The following FOS variants were observed in gnomAD, a reference collection of about 807,000 sequenced individuals.
FOS encodes the protein protein c-Fos.
A neutral mutation model predicts 27.2 loss-of-function variants in FOS; 9 were observed. That is an observed-to-expected ratio of 0.33 (90% CI 0.20 to 0.58). FOS has a LOEUF of 0.58. Ranked by LOEUF, FOS falls within the 20% of genes least tolerant of loss-of-function variation. FOS has a pLI of 0.87. For missense variants in FOS, 405 were observed against 483.5 expected (o/e 0.84, Z 1.52); for synonymous variants, 213 against 205.1 (o/e 1.04, Z -0.33).
Position 75,280,093 on chromosome 14 carries a change from G to A in FOS, c.358G>A (p.Ala120Thr). The change falls in exon 2 of 4, where the codon GCG becomes ACG. Residue 120 changes from alanine to threonine, a missense_variant. Coordinates refer to ENST00000303562, the MANE Select transcript of FOS (RefSeq NM_005252.4). ...GVVKTMTGGR[A>T]QSIGRRGKVE... is the part of the protein sequence containing the mutation. ...TGTGAAGACCATGACAGGAGGCCGA[G>A]CGCAGAGCATTGGCAGGAGGGGCAA... 1 of 1,614,104 alleles carries A rather than the reference G, an allele frequency of 6.2e-7. No individual in the cohort carries two copies. The highest frequency in any genetic ancestry group is 8.5e-7 in the Non-Finnish European group (1 of 1,180,040).
In FOS at chr14:75,279,322, C is replaced by G. The variant is rs1014231429; in HGVS notation, c.141+199C>G. Reference sequence around the variant, plus strand: ...GCTTGCCATAGTAAGAATTGGTTCCCCCTTCGGGAGGCAGGTTCGTTCTGA... The same window carrying G: ...GCTTGCCATAGTAAGAATTGGTTCCGCCTTCGGGAGGCAGGTTCGTTCTGA... On this transcript the variant is annotated intron_variant, in intron 1 of 3. Transcript: ENST00000303562. This position sits in a 1 kb window ranked among gnomAD's most constrained non-coding sequence, Gnocchi z 5.4. 2.9e-6 allele frequency: 2 copies of G among 696,670 alleles called. No homozygotes were observed. Among genetic ancestry groups the G allele is most frequent in the Non-Finnish European group, 4.7e-6 (2 of 422,176 alleles). 43.2% of individuals were successfully genotyped at this position (696,670 alleles called of 1,614,324 possible). A position where few individuals can be genotyped will look rare whatever the true frequency, so the allele number is the denominator to read the frequency against.
In FOS at chr14:75,279,460, C is replaced by A. The variant is rs536873001; in HGVS notation, c.141+337C>A. 4 of 440,630 alleles carry A rather than the reference C, an allele frequency of 9.1e-6. No individual in the cohort carries two copies. In the Admixed American group the frequency reaches 1.7e-4, roughly 19 times the overall value. 27.3% of individuals were successfully genotyped at this position (440,630 alleles called of 1,614,324 possible). Reference sequence around the variant, plus strand: ...GCTTCTCCGGGGAGGTGGCAGAAAGCGGCAATCCCCCCTCCCCCGGCAGCC... The same window carrying A: ...GCTTCTCCGGGGAGGTGGCAGAAAGAGGCAATCCCCCCTCCCCCGGCAGCC... On this transcript the variant is annotated intron_variant, in intron 1 of 3. Transcript: ENST00000303562. The surrounding 1 kb of genome is among the most constrained non-coding windows in gnomAD (Gnocchi z 5.4).
Position 75,279,357 on chromosome 14 carries a change from G to C in FOS, c.141+234G>C. On this transcript the variant is annotated intron_variant, in intron 1 of 3. Coordinates refer to ENST00000303562, the MANE Select transcript of FOS (RefSeq NM_005252.4). The surrounding 1 kb of genome is among the most constrained non-coding windows in gnomAD (Gnocchi z 5.4). ...GGCAGGTTCGTTCTGAGCAACCTCT[G>C]GTCTGCACTCCAGGACGGATCTCTG... 1 of 594,248 alleles carries C rather than the reference G, an allele frequency of 1.7e-6. No homozygotes were observed. The highest frequency in any genetic ancestry group is 3.0e-6 in the Non-Finnish European group (1 of 337,512). 36.8% of individuals were successfully genotyped at this position (594,248 alleles called of 1,614,324 possible).
Position 75,279,186 on chromosome 14 carries a change from G to C in FOS, c.141+63G>C, listed in dbSNP as rs1897197817. The stretch of plus-strand genomic sequence containing the variant: ...TGGGGTCGCGGAGGAGGAGACACCG[G>C]GCGGGACGCTCCAGTAGATGAGTAG... On this transcript the variant is annotated intron_variant, in intron 1 of 3. Coordinates refer to ENST00000303562, the MANE Select transcript of FOS (RefSeq NM_005252.4). This position sits in a 1 kb window ranked among gnomAD's most constrained non-coding sequence, Gnocchi z 5.4. 25 of 1,599,864 alleles carry C rather than the reference G, an allele frequency of 1.6e-5. No individual in the cohort carries two copies. In the South Asian group the frequency reaches 2.7e-4, roughly 18 times the overall value.
At chr14:75,280,521 C>T in intron 2 of FOS, 39 bp from the exon 3 acceptor site, 3 of 1,539,722 alleles carry the variant, frequency 1.9e-6, no homozygotes, top group Non-Finnish European at 1.8e-6. Context: ...ATGGCAGACA[C>T]TTTTACTGAA....
rs765039869 is a variant in FOS, at chr14:75,281,399, G to A, written c.1118G>A (p.Ser373Asn). ...AATGAGCCTTCCTCTGACTCGCTCA[G>A]CTCACCCACGCTGCTGGCCCTGTGA... ...SSNEPSSDSL[S>N]SPTLLAL The change falls in exon 4 of 4, where the codon AGC (serine) becomes AAC (asparagine). Residue 373 changes from serine (S) to asparagine (N), a missense_variant. Coordinates refer to ENST00000303562, the MANE Select transcript of FOS (RefSeq NM_005252.4). The surrounding 1 kb of genome is among the most constrained non-coding windows in gnomAD (Gnocchi z 4.7). 6.2e-7 allele frequency: 1 copy of A among 1,611,360 alleles called. No individual in the cohort carries two copies. Among genetic ancestry groups the A allele is most frequent in the African/African-American group, 1.3e-5 (1 of 75,068 alleles).
At position 75,279,876 on chromosome 14, in the gene FOS, G is replaced by A; in HGVS notation, c.142-1G>A. The A allele has an allele frequency of 1.3e-6, 2 of 1,596,450 alleles. No individual in the cohort carries two copies. The highest frequency in any genetic ancestry group is 1.7e-6 in the Non-Finnish European group (2 of 1,168,882). The stretch of plus-strand genomic sequence containing the variant: ...GGCTTTCCCCTTCTGTTTTGTTCTA[G>A]GACTTCTGCACGGACCTGGCCGTCT... On this transcript the variant is annotated splice_acceptor_variant, in intron 1 of 3. Coordinates refer to ENST00000303562, the MANE Select transcript of FOS (RefSeq NM_005252.4). LOFTEE classifies it high-confidence loss of function. This position sits in a 1 kb window ranked among gnomAD's most constrained non-coding sequence, Gnocchi z 5.4.
At chr14:75,280,749 T>C in intron 3 of FOS, 34 bp from the exon 4 acceptor site, 1 of 1,608,392 alleles carries the variant, frequency 6.2e-7, no homozygotes, top group East Asian at 2.2e-5. Flanking sequence ...AGTAAGACTG[T>C]GTCTTATGCT....
chr14:75,279,466 TC>T lies in FOS; in HGVS notation c.141+349del. 4 of 423,448 alleles carry T rather than the reference TC, an allele frequency of 9.4e-6. No homozygotes were observed. Among genetic ancestry groups the T allele is most frequent in the East Asian group, 5.0e-5 (1 of 20,086 alleles). The allele number at this position is 423,448 out of a possible 1,614,324, so 26.2% of individuals were successfully genotyped here. A position where few individuals can be genotyped will look rare whatever the true frequency, so the allele number is the denominator to read the frequency against. ...CCGGGGAGGTGGCAGAAAGCGGCAA[TC>T]CCCCCTCCCCCGGCAGCCTGGAGCA... On this transcript the variant is annotated intron_variant, in intron 1 of 3. Transcript: ENST00000303562. The surrounding 1 kb of genome is among the most constrained non-coding windows in gnomAD (Gnocchi z 5.4).
Position 75,279,056 on chromosome 14 carries a change from A to G in FOS, c.74A>G (p.Asp25Gly). The G allele has an allele frequency of 6.2e-7, 1 of 1,613,682 alleles. No homozygotes were observed. The highest frequency in any genetic ancestry group is 8.5e-7 in the Non-Finnish European group (1 of 1,179,918). Reference sequence around the variant, plus strand: ...TGCAGCAGCGCGTCCCCGGCCGGGGATAGCCTCTCTTACTACCACTCACCC... The same window carrying G: ...TGCAGCAGCGCGTCCCCGGCCGGGGGTAGCCTCTCTTACTACCACTCACCC... ...SRCSSASPAG[D>G]SLSYYHSPAD... is the part of the protein sequence containing the mutation. Residue 25 changes from aspartate to glycine, a missense_variant, in exon 1 of 4, where the codon GAT (aspartate) becomes GGT (glycine). Transcript: ENST00000303562. This position sits in a 1 kb window ranked among gnomAD's most constrained non-coding sequence, Gnocchi z 5.4.
rs1283707359 is a variant in FOS, at chr14:75,280,026, A to G, written c.291A>G (p.Gly97=). ...AGACCAGAGCCCCTCACCCTTTCGGAGTCCCCGCCCCCTCCGCTGGGGCTT... is the reference window on the plus strand; with the variant it reads ...AGACCAGAGCCCCTCACCCTTTCGGGGTCCCCGCCCCCTCCGCTGGGGCTT... ...PSQTRAPHPF[G]VPAPSAGAYS... The change falls in exon 2 of 4, where the codon GGA becomes GGG. Residue 97 remains glycine, a synonymous_variant. Transcript: ENST00000303562. 6.2e-7 allele frequency: 1 copy of G among 1,614,064 alleles called. No homozygotes were observed. The highest frequency in any genetic ancestry group is 8.5e-7 in the Non-Finnish European group (1 of 1,180,014).
rs143195618 is a variant in FOS, at chr14:75,280,998, C to T, written c.717C>T (p.Phe239=). Residue 239 remains phenylalanine (F), a synonymous_variant, in exon 4 of 4, where the codon TTC becomes TTT. Transcript: ENST00000303562. The part of the protein sequence containing the change: ...EVATPESEEA[F]TLPLLNDPEP... ...CCACCCCGGAGTCTGAGGAGGCCTT[C>T]ACCCTGCCTCTCCTCAATGACCCTG... The T allele has an allele frequency of 1.9e-6, 3 of 1,614,120 alleles. No individual in the cohort carries two copies. The highest frequency in any genetic ancestry group is 2.5e-6 in the Non-Finnish European group (3 of 1,180,024).
rs1163950178 is a variant in FOS at position 75,280,610 on chromosome 14, G to A, written c.444G>A (p.Lys148=). ...GGAGAATCCGAAGGGAAAGGAATAA[G>A]ATGGCTGCAGCCAAATGCCGCAACC... The part of the protein sequence containing the change: ...EKRRIRRERN[K]MAAAKCRNRR... Residue 148 remains lysine (K), a synonymous_variant, in exon 3 of 4, where the codon AAG becomes AAA. Transcript: ENST00000303562. 1.9e-6 allele frequency: 3 copies of A among 1,614,174 alleles called. 1 individual carries two copies. The highest frequency in any genetic ancestry group is 2.5e-6 in the Non-Finnish European group (3 of 1,180,004).
chr14:75,280,449 G>A (rs1350624158), intron 2 of FOS, 111 bp from the exon 3 acceptor site: 2 of 835,616 alleles, frequency 2.4e-6, no homozygotes, highest in Admixed American at 2.5e-5. Context: ...GTTTCACAGT[G>A]GGGTGCCAGG....
In FOS at chr14:75,279,330, G is replaced by A. The variant is rs1016487574; in HGVS notation, c.141+207G>A. On this transcript the variant is annotated intron_variant, in intron 1 of 3. Coordinates refer to ENST00000303562, the MANE Select transcript of FOS (RefSeq NM_005252.4). The surrounding 1 kb of genome is among the most constrained non-coding windows in gnomAD (Gnocchi z 5.4). Reference sequence around the variant, plus strand: ...TAGTAAGAATTGGTTCCCCCTTCGGGAGGCAGGTTCGTTCTGAGCAACCTC... The same window carrying A: ...TAGTAAGAATTGGTTCCCCCTTCGGAAGGCAGGTTCGTTCTGAGCAACCTC... 11 of 667,140 alleles carry A rather than the reference G, an allele frequency of 1.6e-5. No homozygotes were observed. Among genetic ancestry groups the A allele is most frequent in the Non-Finnish European group, 2.8e-5 (11 of 397,336 alleles). 41.3% of individuals were successfully genotyped at this position (667,140 alleles called of 1,614,324 possible).
chr14:75,279,096 C>T lies in FOS; in HGVS notation c.114C>T (p.Ser38=), dbSNP rs1897196564. ...SYYHSPADSF[S]SMGSPVNAQD... ...ACCACTCACCCGCAGACTCCTTCTC[C>T]AGCATGGGCTCGCCTGTCAACGCGC... Residue 38 remains serine (S), a synonymous_variant, in exon 1 of 4, where the codon TCC becomes TCT. Coordinates refer to ENST00000303562, the MANE Select transcript of FOS (RefSeq NM_005252.4). The surrounding 1 kb of genome is among the most constrained non-coding windows in gnomAD (Gnocchi z 5.4). 1 of 1,613,600 alleles carries T rather than the reference C, an allele frequency of 6.2e-7. No individual in the cohort carries two copies. The highest frequency in any genetic ancestry group is 8.5e-7 in the Non-Finnish European group (1 of 1,179,936).
At position 75,278,980 on chromosome 14, in the gene FOS, A is replaced by AAC; in HGVS notation, c.-3_-2insAC. The AAC allele has an allele frequency of 6.2e-7, 1 of 1,613,442 alleles. No homozygotes were observed. Among genetic ancestry groups the AAC allele is most frequent in the Non-Finnish European group, 8.5e-7 (1 of 1,179,866 alleles). On this transcript the variant is annotated 5_prime_UTR_variant, in exon 1 of 4. Transcript: ENST00000303562. This position sits in a 1 kb window ranked among gnomAD's most constrained non-coding sequence, Gnocchi z 4.1. ...CCTCGCCCGGCTTTGCCTAACCGCCACGATGATGTTCTCGGGCTTCAACGC... is the reference window on the plus strand; with the variant it reads ...CCTCGCCCGGCTTTGCCTAACCGCCAACCGATGATGTTCTCGGGCTTCAACGC...
chr14:75,281,431 A>C lies in FOS; in HGVS notation c.*7A>C, dbSNP rs781481761. Reference sequence around the variant, plus strand: ...CACGCTGCTGGCCCTGTGAGGGGGCAGGGAAGGGGAGGCAGCCGGCACCCA... The same window carrying C: ...CACGCTGCTGGCCCTGTGAGGGGGCCGGGAAGGGGAGGCAGCCGGCACCCA... On this transcript the variant is annotated 3_prime_UTR_variant, in exon 4 of 4. Coordinates refer to ENST00000303562, the MANE Select transcript of FOS (RefSeq NM_005252.4). This position sits in a 1 kb window ranked among gnomAD's most constrained non-coding sequence, Gnocchi z 4.7. 6.2e-6 allele frequency: 10 copies of C among 1,607,404 alleles called. No homozygotes were observed. In the African/African-American group the frequency reaches 1.3e-4, roughly 21 times the overall value.
chr14:75,279,618 A>G lies in FOS; in HGVS notation c.142-259A>G, dbSNP rs761656041. ...GTCAGCGCAGACGTCAGGGATATTT[A>G]TAACAAACCCCCTTTCAAGCAAGTG... On this transcript the variant is annotated intron_variant, in intron 1 of 3. Coordinates refer to ENST00000303562, the MANE Select transcript of FOS (RefSeq NM_005252.4). This position sits in a 1 kb window ranked among gnomAD's most constrained non-coding sequence, Gnocchi z 5.4. 1 of 540,692 alleles carries G rather than the reference A, an allele frequency of 1.8e-6. No individual in the cohort carries two copies. The highest frequency in any genetic ancestry group is 1.9e-5 in the African/African-American group (1 of 52,878). 33.5% of individuals were successfully genotyped at this position (540,692 alleles called of 1,614,324 possible).
Sources: allele counts gnomAD v4.1 joint callset, GRCh38; gene constraint gnomAD v4.1.1; non-coding constraint Gnocchi (gnomAD v3.1); transcripts MANE v1.5; gene names NCBI Gene and HGNC (gene_info 2026-07-23, HGNC 2026-07-21).